The following LUZP2 variants were observed in gnomAD, a reference collection of about 807,000 sequenced individuals.
The protein encoded by LUZP2 is leucine zipper protein 2.
Under a neutral mutation model 51.6 loss-of-function variants are expected in LUZP2, and 52 were observed. The ratio of observed to expected loss-of-function variants is 1.01; its 90% CI spans 0.81 to 1.27. The LOEUF is 1.27. LUZP2 is among the 50% of genes most tolerant of loss of function. LUZP2 has a pLI of 0.00. For synonymous variants in LUZP2, 154 were observed against 137.3 expected (o/e 1.12, Z -0.85); for missense variants, 436 against 395.4 (o/e 1.10, Z -0.87).
chr11:25,053,061 A>G (rs916786777), intron 10 of LUZP2, among the ~76,000 whole-genome samples: 3 of 152,158 alleles, frequency 2.0e-5, no homozygotes, highest in African/African-American at 4.8e-5. Context: ...AATTTTAAAA[A>G]TAATTAAAGA....
chr11:24,985,218 G>A (rs1213796227), intron 9 of LUZP2, among the ~76,000 whole-genome samples: 1 of 151,486 alleles, frequency 6.6e-6, no homozygotes, highest in Non-Finnish European at 1.5e-5. Flanking sequence ...TCAACTTTTG[G>A]AGATTGCAGC....
chr11:24,599,205 G>A (rs1853542957), intron 1 of LUZP2, among the ~76,000 whole-genome samples: 1 of 152,138 alleles, frequency 6.6e-6, no homozygotes, highest in Non-Finnish European at 1.5e-5. Flanking sequence ...TTTAAGAAAA[G>A]ATGCTGAAAA....
At chr11:24,897,331 G>A (rs1243145526) in intron 5 of LUZP2, among the ~76,000 whole-genome samples, 1 of 152,184 alleles carries the variant, frequency 6.6e-6, no homozygotes, top group Non-Finnish European at 1.5e-5. Flanking sequence ...CGCCTCTGTG[G>A]AAGCTTTGTT....
At chr11:24,775,520 AG>A (rs139181042) in intron 5 of LUZP2, among the ~76,000 whole-genome samples, 1,762 of 152,318 alleles carry the variant, frequency 0.012, 32 homozygotes, top group African/African-American at 0.04. Flanking sequence ...CTACTTCTCA[AG>A]GGTGTTGTAG....
chr11:25,007,428 C>A (rs1360980818), intron 9 of LUZP2, among the ~76,000 whole-genome samples: 2 of 152,058 alleles, frequency 1.3e-5, no homozygotes, highest in Admixed American at 1.3e-4. Flanking sequence ...CATGGTGAAA[C>A]CCCATCTCTA....
chr11:24,956,023 C>G (rs1187858060), intron 7 of LUZP2, among the ~76,000 whole-genome samples: 9 of 151,858 alleles, frequency 5.9e-5, no homozygotes. Flanking sequence ...GCAATCTAGT[C>G]AAGGGTGGAA....
At chr11:24,877,256 G>A (rs1852301336) in intron 5 of LUZP2, among the ~76,000 whole-genome samples, 1 of 152,008 alleles carries the variant, frequency 6.6e-6, no homozygotes, top group South Asian at 2.1e-4. Context: ...AACTTTTCAA[G>A]TAAACAGTCT....
intron 1 of LUZP2, among the ~76,000 whole-genome samples, chr11:24,621,496 C>T (rs766308283): frequency 2.6e-4 from 40 of 152,130 alleles, no homozygotes; most frequent in Non-Finnish European, 4.4e-4. Context: ...GAGCTCATCC[C>T]ATGAGAACAC....
chr11:24,762,926 C>CT (rs1420787524), intron 4 of LUZP2: 1 of 909,340 alleles, frequency 1.1e-6, no homozygotes, highest in Non-Finnish European at 1.3e-6. Context: ...TCTATTTTTT[C>CT]TTTTTTTAAA....
intron 1 of LUZP2, among the ~76,000 whole-genome samples, chr11:24,704,115 TTC>T (rs35525684): frequency 0.22 from 32,810 of 150,612 alleles, 3,684 homozygotes; most frequent in East Asian, 0.34. Flanking sequence ...TACACATTCA[TTC>T]TCTCTCTCTC....
intron 7 of LUZP2, among the ~76,000 whole-genome samples, chr11:24,915,486 T>A (rs1853762404): frequency 6.6e-6 from 1 of 152,122 alleles, no homozygotes; most frequent in Non-Finnish European, 1.5e-5. Context: ...AGGAGAGTTT[T>A]TCGAGAAGAT....
chr11:24,783,621 C>T (rs776335509), intron 5 of LUZP2, among the ~76,000 whole-genome samples: 10 of 151,854 alleles, frequency 6.6e-5, no homozygotes, highest in African/African-American at 1.2e-4. Flanking sequence ...GAATCTGCAA[C>T]CTTCAACTTC....
chr11:25,025,765 G>A (rs996316276), intron 9 of LUZP2, among the ~76,000 whole-genome samples: 1 of 152,104 alleles, frequency 6.6e-6, no homozygotes, highest in Admixed American at 6.6e-5. Flanking sequence ...ACTAGAAGTA[G>A]CATTTGACCC....
intron 5 of LUZP2, among the ~76,000 whole-genome samples, chr11:24,863,373 T>C (rs1301535085): frequency 6.6e-6 from 1 of 151,872 alleles, no homozygotes; most frequent in Non-Finnish European, 1.5e-5. Context: ...ATTCAACAAT[T>C]AAAAAGAAAA....
At chr11:24,663,540 G>C (rs987866563) in intron 1 of LUZP2, among the ~76,000 whole-genome samples, 2 of 152,092 alleles carry the variant, frequency 1.3e-5, no homozygotes, top group Non-Finnish European at 2.9e-5. Flanking sequence ...TTCTTCTCAA[G>C]ATTATATTTT....
intron 1 of LUZP2, among the ~76,000 whole-genome samples, chr11:24,701,899 G>A (rs1014235022): frequency 6.6e-6 from 1 of 152,128 alleles, no homozygotes; most frequent in Non-Finnish European, 1.5e-5. Context: ...TGGCAACATG[G>A]AGTCACAGTT....
At chr11:24,898,379 T>C (rs140776760) in intron 5 of LUZP2, among the ~76,000 whole-genome samples, 7,528 of 152,244 alleles carry the variant, frequency 0.049, 599 homozygotes, top group African/African-American at 0.17. Context: ...AATTCTAGCA[T>C]TTTGGGAGGC....
rs372394423 is a variant in LUZP2 at position 24,875,030 on chromosome 11, A to G, written c.397-30961A>G. ...GTTCCTAAGTTCTGGCTACTGGTAT[A>G]TAAACAGAGGAGACGCTAGCCCCTT... is the stretch of plus-strand genomic sequence containing the variant. On this transcript the variant is annotated intron_variant, in intron 5 of 11. Coordinates refer to ENST00000336930, the MANE Select transcript of LUZP2 (RefSeq NM_001009909.4). Among the ~76,000 whole-genome samples the G allele has an allele frequency of 9.2e-5, 14 of 152,306 alleles. No individual in the cohort carries two copies. In the South Asian group the frequency reaches 2.9e-3, roughly 32 times the overall value.
At chr11:24,635,467 C>T (rs989881815) in intron 1 of LUZP2, among the ~76,000 whole-genome samples, 6 of 151,666 alleles carry the variant, frequency 4.0e-5, no homozygotes, top group African/African-American at 1.5e-4. Flanking sequence ...GAAATAAACA[C>T]ATTTCAATCT....
Sources: gnomAD v4.1 joint callset for allele counts (sites outside exome capture counted in the v4.1 genomes callset) on GRCh38, gnomAD v4.1.1 for gene constraint, MANE v1.5 for transcripts, NCBI Gene and HGNC (gene_info 2026-07-23, HGNC 2026-07-21) for gene names.